TUT7: variants seen among roughly 807,000 people sequenced by gnomAD.
The protein encoded by TUT7 is terminal uridylyltransferase 7.
In TUT7, 33 loss-of-function variants were observed where a neutral mutation model predicts 165.9. The observed-to-expected ratio is 0.20, with a 90% CI of 0.15 to 0.27. The LOEUF (loss-of-function observed/expected upper bound fraction) is 0.27. TUT7 is among the 10% of genes least tolerant of loss of function. TUT7 has a pLI of 1.00. For missense variants in TUT7, 1,338 were observed against 1,762.3 expected, an observed-to-expected ratio of 0.76 and a Z score of 4.31; for synonymous variants, 552 against 608.1, an observed-to-expected ratio of 0.91 and a Z score of 1.36.
At chr9:86,339,409 T>C (rs1020492237) in intron 8 of TUT7, among the ~76,000 whole-genome samples, 2 of 151,938 alleles carry the variant, frequency 1.3e-5, no homozygotes, top group Non-Finnish European at 2.9e-5. Context: ...TCCCAACTAC[T>C]CGGAAGTCTG....
intron 10 of TUT7, among the ~76,000 whole-genome samples, chr9:86,330,356 G>A (rs1298651837): frequency 2.6e-5 from 4 of 152,140 alleles, no homozygotes; most frequent in East Asian, 1.9e-4. Flanking sequence ...CACCATGCCC[G>A]GCCCTGTTCA....
intron 5 of TUT7, among the ~76,000 whole-genome samples, chr9:86,344,208 T>C (rs1407031277): frequency 1.3e-5 from 2 of 152,176 alleles, no homozygotes; most frequent in South Asian, 2.1e-4. Context: ...TTTGTAAAAA[T>C]AGTTGTCCAT....
chr9:86,347,094 C>A (rs1285065275), intron 2 of TUT7, among the ~76,000 whole-genome samples: 1 of 152,038 alleles, frequency 6.6e-6, no homozygotes, highest in Non-Finnish European at 1.5e-5. Context: ...GAAGTCCAAG[C>A]CAAAATTTTA....
intron 24 of TUT7, among the ~76,000 whole-genome samples, chr9:86,303,953 A>G (rs1827205279): frequency 1.3e-5 from 2 of 152,362 alleles, no homozygotes; most frequent in Non-Finnish European, 2.9e-5. Flanking sequence ...ACTTACGTTA[A>G]ATTTTAAAAG....
intron 1 of TUT7, 129 bp from the exon 2 acceptor site, chr9:86,353,359 A>T: frequency 1.4e-6 from 1 of 738,146 alleles, no homozygotes; most frequent in Non-Finnish European, 2.0e-6. Context: ...TTTTAAAATA[A>T]AAATTCTATC....
At chr9:86,351,325 A>G (rs1206411019) in intron 2 of TUT7, among the ~76,000 whole-genome samples, 2 of 152,122 alleles carry the variant, frequency 1.3e-5, no homozygotes, top group East Asian at 1.9e-4. Context: ...AGTCCCAGCT[A>G]CTTTGGGGGA....
chr9:86,327,485 A>G (rs953852832), intron 11 of TUT7, among the ~76,000 whole-genome samples: 2 of 152,200 alleles, frequency 1.3e-5, no homozygotes, highest in Non-Finnish European at 2.9e-5. Flanking sequence ...CACTTGCCCA[A>G]GGACACACAG....
intron 2 of TUT7, among the ~76,000 whole-genome samples, chr9:86,348,604 A>G (rs1831983085): frequency 6.6e-6 from 1 of 151,986 alleles, no homozygotes; most frequent in Non-Finnish European, 1.5e-5. Flanking sequence ...AATGAAAAAA[A>G]TCAGCCAGCA....
At chr9:86,348,662 A>G (rs1467751004) in intron 2 of TUT7, among the ~76,000 whole-genome samples, 1 of 152,246 alleles carries the variant, frequency 6.6e-6, no homozygotes, top group East Asian at 1.9e-4. Flanking sequence ...CTGAGACGGA[A>G]GGACTGCTTA....
intron 2 of TUT7, among the ~76,000 whole-genome samples, chr9:86,347,089 C>T (rs1028718890): frequency 7.2e-5 from 11 of 152,114 alleles, no homozygotes; most frequent in African/African-American, 2.7e-4. Flanking sequence ...ATGAAGAAGT[C>T]CAAGCCAAAA....
intron 9 of TUT7, among the ~76,000 whole-genome samples, chr9:86,337,988 A>T (rs1486334987): frequency 6.6e-6 from 1 of 152,180 alleles, no homozygotes; most frequent in Non-Finnish European, 1.5e-5. Flanking sequence ...GGACAAACTC[A>T]TCACCACTAA....
chr9:86,347,148 T>A (rs1247236008), intron 2 of TUT7, among the ~76,000 whole-genome samples: 1 of 152,228 alleles, frequency 6.6e-6, no homozygotes, highest in Non-Finnish European at 1.5e-5. Flanking sequence ...TACCTTCATT[T>A]TAGCTTCTTT....
At chr9:86,344,916 G>A (rs1234683739) in intron 5 of TUT7, 61 bp downstream of exon 5, 3 of 1,367,454 alleles carry the variant, frequency 2.2e-6, no homozygotes, top group Admixed American at 2.2e-5. Context: ...ATTACTATTG[G>A]TAGGAGAAAT....
intron 2 of TUT7, among the ~76,000 whole-genome samples, chr9:86,349,500 G>A (rs990462457): frequency 3.3e-5 from 5 of 152,064 alleles, no homozygotes; most frequent in Middle Eastern, 3.4e-3. Context: ...GGCAATCTAG[G>A]ACATTTGAAG....
chr9:86,323,247 G>T lies in TUT7; in HGVS notation c.2503C>A (p.Gln835Lys), dbSNP rs781745650. The change falls in exon 13 of 27, where the codon CAG becomes AAG. Residue 835 changes from glutamine (Q) to lysine (K), a missense_variant. Gln to Lys is a moderately conservative substitution (Grantham distance 53, BLOSUM62 1). This residue lies in a region of TUT7 where 425 missense variants were observed against 474.9 expected (regional missense o/e 0.89). Transcript: ENST00000375963. The stretch of plus-strand genomic sequence containing the variant: ...GGAATCATTTCTGATGTCTGGCCCT[G>T]TACTGAGTGGGTAAAGTGGTTTAGA... ...DSLNHFTHSVQGQTSEMIPSD... is the reference protein window; with the variant it reads ...DSLNHFTHSVKGQTSEMIPSD... The T allele has an allele frequency of 3.1e-6, 5 of 1,613,968 alleles. No homozygotes were observed. The highest frequency in any genetic ancestry group is 2.7e-5 in the African/African-American group (2 of 74,902).
At chr9:86,344,954 A>C in intron 5 of TUT7, 23 bp downstream of exon 5, 1 of 1,590,098 alleles carries the variant, frequency 6.3e-7, no homozygotes. Flanking sequence ...GTAGTTAAAT[A>C]GAAAAACAAA....
At chr9:86,326,143 T>C (rs188570161) in intron 11 of TUT7, among the ~76,000 whole-genome samples, 6 of 152,304 alleles carry the variant, frequency 3.9e-5, no homozygotes, top group African/African-American at 1.4e-4. Flanking sequence ...TGGGCCCAAA[T>C]AGAGATTCTG....
Position 86,301,549 on chromosome 9 carries a change from T to A in TUT7, c.4147A>T (p.Asn1383Tyr). The change falls in exon 26 of 27, where the codon AAC (asparagine) becomes TAC (tyrosine). Residue 1383 changes from asparagine (N) to tyrosine (Y), a missense_variant. Around this residue, in one of 7 missense-constraint regions of TUT7, gnomAD observed 167 missense variants for 204.9 expected, o/e 0.82. Transcript: ENST00000375963. ...TCCTCTTTGCTTCTTTTTTCCTTGT[T>A]CTCAGGGTATCTTTGGTTCAGGGCA... The part of the protein sequence containing the change: ...EDALNQRYPE[N>Y]KEKRSKEDKE... The A allele has an allele frequency of 1.2e-6, 2 of 1,614,092 alleles. No homozygotes were observed.
At chr9:86,299,157 A>G (rs1188061007) in intron 26 of TUT7, among the ~76,000 whole-genome samples, 1 of 152,202 alleles carries the variant, frequency 6.6e-6, no homozygotes, top group Non-Finnish European at 1.5e-5. Context: ...CTGAGTGAAC[A>G]GATGACAGAC....
Sources: allele counts gnomAD v4.1 joint callset (sites outside exome capture counted in the v4.1 genomes callset), GRCh38; gene constraint gnomAD v4.1.1; regional missense constraint gnomAD v4.1.1; transcripts MANE v1.5; gene names NCBI Gene and HGNC (gene_info 2026-07-23, HGNC 2026-07-21).